Variants in SIPA1L2 observed in about 807,000 individuals in gnomAD.
SIPA1L2 encodes the protein signal-induced proliferation-associated 1-like protein 2.
Under a neutral mutation model 163.9 loss-of-function variants are expected in SIPA1L2, and 56 were observed. The observed-to-expected ratio is 0.34, with a 90% CI of 0.28 to 0.43. SIPA1L2 has a LOEUF of 0.43. Among genes scored for constraint, SIPA1L2 ranks in the 20% least tolerant of loss-of-function variants. The pLI, the probability that SIPA1L2 is intolerant of heterozygous loss-of-function variation, is 1.00. For missense variants in SIPA1L2, 1,974 were observed against 2,193.5 expected (o/e 0.90, Z 2.00); for synonymous variants, 877 against 865.7 (o/e 1.01, Z -0.23).
At chr1:232,614,540 C>T (rs1052789242) in intron 1 of SIPA1L2, among the ~76,000 whole-genome samples, 4 of 152,216 alleles carry the variant, frequency 2.6e-5, no homozygotes, top group Non-Finnish European at 5.9e-5. Flanking sequence ...GCTGCTTAGC[C>T]GCAGCTACTG....
intron 2 of SIPA1L2, among the ~76,000 whole-genome samples, chr1:232,562,943 A>G (rs1388214283): frequency 1.3e-5 from 2 of 152,244 alleles, no homozygotes; most frequent in African/African-American, 4.8e-5. Flanking sequence ...CCAGGCATGG[A>G]AGGAGAGCTG....
At chr1:232,405,726 T>A (rs1473808982) in intron 19 of SIPA1L2, among the ~76,000 whole-genome samples, 1 of 152,248 alleles carries the variant, frequency 6.6e-6, no homozygotes, top group Non-Finnish European at 1.5e-5. Context: ...TAAAAATTTG[T>A]CTAACTCTTT....
intron 1 of SIPA1L2, among the ~76,000 whole-genome samples, chr1:232,604,893 G>A (rs540700446): frequency 6.6e-6 from 1 of 152,152 alleles, no homozygotes; most frequent in Non-Finnish European, 1.5e-5. Flanking sequence ...GTTTCCTGAG[G>A]CCTCCCCAGA....
At chr1:232,629,064 C>T (rs931707187) in intron 1 of SIPA1L2, among the ~76,000 whole-genome samples, 2 of 152,154 alleles carry the variant, frequency 1.3e-5, no homozygotes, top group Non-Finnish European at 2.9e-5. Context: ...TTTTCCAATA[C>T]TCAGGCCAGA....
At chr1:232,491,143 G>C in intron 4 of SIPA1L2, 81 bp from the exon 5 acceptor site, 1 of 1,298,306 alleles carries the variant, frequency 7.7e-7, no homozygotes, top group Non-Finnish European at 1.1e-6. Context: ...GCTGCCTTAA[G>C]ACAGGAAAAA....
intron 2 of SIPA1L2, among the ~76,000 whole-genome samples, chr1:232,568,332 G>A (rs1233267963): frequency 6.6e-6 from 1 of 152,166 alleles, no homozygotes; most frequent in African/African-American, 2.4e-5. Flanking sequence ...TATCAGAACT[G>A]AGTTGAATTA....
At chr1:232,468,538 G>GCCC (rs1486788232) in intron 8 of SIPA1L2, among the ~76,000 whole-genome samples, 1 of 152,134 alleles carries the variant, frequency 6.6e-6, no homozygotes, top group Non-Finnish European at 1.5e-5. Context: ...ATACCCAAAA[G>GCCC]CCCATTGTAA....
At chr1:232,460,527 T>G (rs1277660140) in intron 10 of SIPA1L2, among the ~76,000 whole-genome samples, 2 of 152,224 alleles carry the variant, frequency 1.3e-5, no homozygotes, top group East Asian at 3.8e-4. Flanking sequence ...GTTAAGTATT[T>G]AATGTGCTCA....
intron 10 of SIPA1L2, among the ~76,000 whole-genome samples, chr1:232,459,699 G>C (rs1413590232): frequency 6.6e-6 from 1 of 151,932 alleles, no homozygotes; most frequent in Non-Finnish European, 1.5e-5. Flanking sequence ...TTTTTGAAGA[G>C]ATGGGGTTTT....
intron 3 of SIPA1L2, among the ~76,000 whole-genome samples, chr1:232,496,121 C>T (rs987103434): frequency 3.3e-5 from 5 of 152,164 alleles, no homozygotes; most frequent in African/African-American, 4.8e-5. Flanking sequence ...TCACGCAGAG[C>T]GGATTTTAGT....
intron 19 of SIPA1L2, among the ~76,000 whole-genome samples, chr1:232,412,159 C>G (rs1463518306): frequency 1.3e-5 from 2 of 152,154 alleles, no homozygotes. Flanking sequence ...AAACTCGCAT[C>G]CAATGTCAAC....
chr1:232,526,768 A>T (rs1573029590), intron 2 of SIPA1L2, among the ~76,000 whole-genome samples: 1 of 152,274 alleles, frequency 6.6e-6, no homozygotes, highest in South Asian at 2.1e-4. Flanking sequence ...CTCATCTGAG[A>T]CTGTGCCCCC....
intron 10 of SIPA1L2, among the ~76,000 whole-genome samples, chr1:232,449,230 G>A (rs1044685765): frequency 6.6e-6 from 1 of 152,124 alleles, no homozygotes; most frequent in African/African-American, 2.4e-5. Context: ...AAAAACTTAA[G>A]AAAACTGGCC....
chr1:232,497,766 T>A (rs2103009842), intron 3 of SIPA1L2, among the ~76,000 whole-genome samples: 1 of 152,314 alleles, frequency 6.6e-6, no homozygotes, highest in South Asian at 2.1e-4. Context: ...CCTTACAGCA[T>A]GAGTGTTTCT....
intron 3 of SIPA1L2, among the ~76,000 whole-genome samples, chr1:232,504,141 G>T (rs1572995988): frequency 6.6e-6 from 1 of 152,132 alleles, no homozygotes; most frequent in Admixed American, 6.5e-5. Context: ...GGCAGAGGTT[G>T]CAGTGAGCCA....
chr1:232,625,878 A>G (rs1663048627), intron 1 of SIPA1L2, among the ~76,000 whole-genome samples: 1 of 152,222 alleles, frequency 6.6e-6, no homozygotes, highest in South Asian at 2.1e-4. Context: ...ATTATATAAA[A>G]GGATCCAAAT....
At chr1:232,418,814 AG>A in intron 18 of SIPA1L2, among the ~76,000 whole-genome samples, 1 of 152,196 alleles carries the variant, frequency 6.6e-6, no homozygotes, top group East Asian at 1.9e-4. Flanking sequence ...TTGATACTGC[AG>A]AACTGGCAAA....
At chr1:232,603,598 G>A (rs1480876919) in intron 1 of SIPA1L2, among the ~76,000 whole-genome samples, 1 of 152,144 alleles carries the variant, frequency 6.6e-6, no homozygotes, top group Non-Finnish European at 1.5e-5. Context: ...CGGGAGGGAA[G>A]GCCAGATGAC....
At chr1:232,517,886 G>GA (rs1553305191) in intron 2 of SIPA1L2, among the ~76,000 whole-genome samples, 1 of 150,726 alleles carries the variant, frequency 6.6e-6, no homozygotes, top group Non-Finnish European at 1.5e-5. Flanking sequence ...ACAAAAACCT[G>GA]TTTTTTTTTA....
Sources: allele counts gnomAD v4.1 joint callset (sites outside exome capture counted in the v4.1 genomes callset), GRCh38; gene constraint gnomAD v4.1.1; transcripts MANE v1.5; gene names NCBI Gene and HGNC (gene_info 2026-07-23, HGNC 2026-07-21).